Variants in GRID2 observed in about 807,000 individuals in gnomAD.
GRID2 encodes glutamate receptor ionotropic, delta-2.
GRID2 carries 33 observed loss-of-function variants against 114.8 expected under a neutral mutation model. The ratio of observed to expected loss-of-function variants is 0.29; its 90% CI spans 0.22 to 0.38. The LOEUF (loss-of-function observed/expected upper bound fraction) is 0.38, where lower values mean the gene tolerates loss of function less well. Among genes scored for constraint, GRID2 ranks in the 10% least tolerant of loss-of-function variants. GRID2 has a pLI of 1.00. For synonymous variants in GRID2, 505 were observed against 449.9 expected (o/e 1.12, Z -1.55); for missense variants, 1,184 against 1,257.7 (o/e 0.94, Z 0.89).
At chr4:92,526,292 C>G (rs182960011) in intron 1 of GRID2, among the ~76,000 whole-genome samples, 143 of 152,152 alleles carry the variant, frequency 9.4e-4, no homozygotes, top group African/African-American at 3.2e-3. Context: ...TGATATTATC[C>G]TTTATTTTTC....
intron 2 of GRID2, among the ~76,000 whole-genome samples, chr4:92,941,939 T>C (rs1234248657): frequency 6.6e-6 from 1 of 152,206 alleles, no homozygotes; most frequent in Non-Finnish European, 1.5e-5. Flanking sequence ...AGAGACAGTT[T>C]GTTATAATTT....
chr4:92,687,171 G>A (rs1453340390), intron 2 of GRID2, among the ~76,000 whole-genome samples: 5 of 143,652 alleles, frequency 3.5e-5, no homozygotes, highest in Non-Finnish European at 6.1e-5. Flanking sequence ...CACAAGATAC[G>A]GATTTTTTTG....
chr4:92,932,519 A>C (rs575194810), intron 2 of GRID2, among the ~76,000 whole-genome samples: 6 of 151,418 alleles, frequency 4.0e-5, no homozygotes, highest in Non-Finnish European at 5.9e-5. Flanking sequence ...AAGTGTATTT[A>C]ATATCTGTCA....
intron 4 of GRID2, among the ~76,000 whole-genome samples, chr4:93,185,698 G>GT (rs973734712): frequency 3.3e-5 from 5 of 151,954 alleles, no homozygotes; most frequent in African/African-American, 9.7e-5. Context: ...TTTCTTACAG[G>GT]TTTTTTAAAA....
intron 14 of GRID2, among the ~76,000 whole-genome samples, chr4:93,752,910 G>A (rs912481409): frequency 6.6e-6 from 1 of 152,088 alleles, no homozygotes; most frequent in Non-Finnish European, 1.5e-5. Context: ...TGGTATATCA[G>A]TGTTATGCTT....
In GRID2 at chr4:93,238,323, AT is replaced by A. The variant is rs538899842; in HGVS notation, c.1126-41del. On this transcript the variant is annotated intron_variant, in intron 7 of 15. Coordinates refer to ENST00000282020, the MANE Select transcript of GRID2 (RefSeq NM_001510.4). ...AAGTTCCTTTTATGTTTATTTATTT[AT>A]TTTTTTACTTCTCAAATTTTACATC... is the stretch of plus-strand genomic sequence containing the variant. 383 of 1,404,868 alleles carry A rather than the reference AT, an allele frequency of 2.7e-4. 5 individuals are homozygous for A. The African/African-American group carries it at 4.6e-3, about 17-fold the overall frequency. 87.0% of individuals were successfully genotyped at this position (1,404,868 alleles called of 1,614,324 possible). A position where few individuals can be genotyped will look rare whatever the true frequency, so the allele number is the denominator to read the frequency against.
chr4:92,696,750 TTAAG>T (rs770895045), intron 2 of GRID2, among the ~76,000 whole-genome samples: 1 of 152,122 alleles, frequency 6.6e-6, no homozygotes, highest in Non-Finnish European at 1.5e-5. Flanking sequence ...ATTTCCAAAA[TTAAG>T]TAAGAGTTTA....
intron 3 of GRID2, among the ~76,000 whole-genome samples, chr4:93,101,883 C>T (rs1441345973): frequency 1.3e-5 from 2 of 151,904 alleles, no homozygotes; most frequent in Non-Finnish European, 2.9e-5. Flanking sequence ...TTCCATTTTC[C>T]TATTAAACAA....
intron 4 of GRID2, among the ~76,000 whole-genome samples, chr4:93,184,038 T>C (rs1400810825): frequency 6.6e-6 from 1 of 152,124 alleles, no homozygotes; most frequent in Non-Finnish European, 1.5e-5. Flanking sequence ...GCAGTAACTG[T>C]GGATGAGGAA....
intron 1 of GRID2, among the ~76,000 whole-genome samples, chr4:92,575,019 C>T (rs1192066815): frequency 6.6e-6 from 1 of 151,970 alleles, no homozygotes; most frequent in Non-Finnish European, 1.5e-5. Context: ...TTGTTCATTC[C>T]TTTTTCTCTA....
chr4:93,369,325 A>G (rs551027087), intron 8 of GRID2, among the ~76,000 whole-genome samples: 1 of 152,170 alleles, frequency 6.6e-6, no homozygotes, highest in East Asian at 1.9e-4. Context: ...GTGCATATTC[A>G]TGTAATCTAG....
At chr4:92,655,197 C>A (rs759810492) in intron 2 of GRID2, among the ~76,000 whole-genome samples, 10 of 151,828 alleles carry the variant, frequency 6.6e-5, no homozygotes, top group Middle Eastern at 3.4e-3. Context: ...GACGAGTTGG[C>A]GTAAATATGT....
At chr4:92,818,637 C>A (rs528751184) in intron 2 of GRID2, among the ~76,000 whole-genome samples, 4 of 152,176 alleles carry the variant, frequency 2.6e-5, no homozygotes, top group East Asian at 1.9e-4. Flanking sequence ...TCAGAAGAAC[C>A]TTTCTTATAT....
At chr4:93,664,355 A>G (rs1723767781) in intron 14 of GRID2, among the ~76,000 whole-genome samples, 1 of 152,212 alleles carries the variant, frequency 6.6e-6, no homozygotes, top group Non-Finnish European at 1.5e-5. Flanking sequence ...TATCTGAATG[A>G]AGGTTTAAAA....
intron 8 of GRID2, among the ~76,000 whole-genome samples, chr4:93,263,606 A>G (rs986155226): frequency 1.3e-5 from 2 of 152,062 alleles, no homozygotes; most frequent in Non-Finnish European, 2.9e-5. Flanking sequence ...TAAATAGATG[A>G]CTTGCTTTCA....
At chr4:92,481,899 G>A (rs1265684667) in intron 1 of GRID2, among the ~76,000 whole-genome samples, 2 of 147,442 alleles carry the variant, frequency 1.4e-5, no homozygotes, top group Admixed American at 6.9e-5. Flanking sequence ...GCATTTGTCT[G>A]TTCATTACTG....
At chr4:93,011,455 A>G (rs774425503) in intron 2 of GRID2, among the ~76,000 whole-genome samples, 14 of 152,002 alleles carry the variant, frequency 9.2e-5, no homozygotes, top group East Asian at 1.9e-4. Context: ...GGTGTCTGAA[A>G]TTGGTAAAGT....
chr4:92,423,556 G>T (rs1248060359), intron 1 of GRID2, among the ~76,000 whole-genome samples: 1 of 152,096 alleles, frequency 6.6e-6, no homozygotes, highest in African/African-American at 2.4e-5. Context: ...TGATATTCTT[G>T]TGGCAAAGAT....
chr4:92,534,697 G>A (rs1377580307), intron 1 of GRID2, among the ~76,000 whole-genome samples: 1 of 152,074 alleles, frequency 6.6e-6, no homozygotes, highest in Non-Finnish European at 1.5e-5. Flanking sequence ...TGTCACAGTC[G>A]TGATTAGGAA....
Sources: gnomAD v4.1 joint callset for allele counts (sites outside exome capture counted in the v4.1 genomes callset) on GRCh38, gnomAD v4.1.1 for gene constraint, MANE v1.5 for transcripts, NCBI Gene and HGNC (gene_info 2026-07-23, HGNC 2026-07-21) for gene names.